Variants in IMPG1 observed in about 807,000 individuals in gnomAD.
The protein encoded by IMPG1 is interphotoreceptor matrix proteoglycan 1.
In IMPG1, 85 loss-of-function variants were observed where a neutral mutation model predicts 92.0. That is an observed-to-expected ratio of 0.92 (90% confidence interval 0.78 to 1.11). The LOEUF (loss-of-function observed/expected upper bound fraction) is 1.11. IMPG1 is among the 50% of genes least tolerant of loss of function. The pLI is 0.00. For synonymous variants in IMPG1, 367 were observed against 334.1 expected (o/e 1.10, Z -1.08); for missense variants, 1,022 against 956.0 (o/e 1.07, Z -0.91).
chr6:76,064,600 G>A (rs748106414), intron 1 of IMPG1, among the ~76,000 whole-genome samples: 4 of 152,038 alleles, frequency 2.6e-5, no homozygotes, highest in Non-Finnish European at 5.9e-5. Flanking sequence ...GCTTGTTTGT[G>A]CCTGCCATTG....
chr6:76,041,897 C>T lies in IMPG1; in HGVS notation c.297G>A (p.Leu99=). 6.3e-7 allele frequency: 1 copy of T among 1,593,178 alleles called. No individual in the cohort carries two copies. The highest frequency in any genetic ancestry group is 8.6e-7 in the Non-Finnish European group (1 of 1,161,102). Residue 99 remains leucine (L), a synonymous_variant, in exon 2 of 17, where the codon TTG becomes TTA. Transcript: ENST00000369950. Reference sequence around the variant, plus strand: ...CGGTTTCATCTCTTTCCTTACCTCTCAATCTATAATAAGCTTGAAGACTGT... The same window carrying T: ...CGGTTTCATCTCTTTCCTTACCTCTTAATCTATAATAAGCTTGAAGACTGT... ...ILDSLQAYYR[L]RVCQEAVWEA... is the part of the protein sequence containing the mutation.
intron 12 of IMPG1, among the ~76,000 whole-genome samples, chr6:75,974,297 T>C (rs1441996859): frequency 7.0e-6 from 1 of 142,824 alleles, no homozygotes; most frequent in African/African-American, 2.9e-5. Flanking sequence ...TTCTTTCTCT[T>C]TCTTTTCTTT....
chr6:75,960,431 A>G (rs990704625), intron 12 of IMPG1, among the ~76,000 whole-genome samples: 4 of 152,238 alleles, frequency 2.6e-5, no homozygotes, highest in Non-Finnish European at 4.4e-5. Context: ...CTATTTAATT[A>G]TAGGGTTGCT....
intron 12 of IMPG1, among the ~76,000 whole-genome samples, chr6:75,998,585 G>T (rs1020456100): frequency 3.3e-5 from 5 of 152,198 alleles, no homozygotes; most frequent in African/African-American, 4.8e-5. Flanking sequence ...TTTATTAAGA[G>T]ACCTGGTTTC....
chr6:76,014,023 G>A (rs6915062), intron 7 of IMPG1, among the ~76,000 whole-genome samples: 54,274 of 152,018 alleles, frequency 0.36, 9,946 homozygotes, highest in East Asian at 0.49. Context: ...TGGGTGATCC[G>A]GAGCTCTTTG....
intron 12 of IMPG1, 114 bp downstream of exon 12, chr6:76,002,804 A>C: frequency 9.0e-6 from 7 of 774,196 alleles, no homozygotes; most frequent in Non-Finnish European, 1.6e-5. Flanking sequence ...GGTGGCAGTG[A>C]ACCTTTTCCT....
intron 4 of IMPG1, among the ~76,000 whole-genome samples, chr6:76,033,415 G>T (rs1783684840): frequency 6.6e-6 from 1 of 152,180 alleles, no homozygotes; most frequent in African/African-American, 2.4e-5. Flanking sequence ...AATGGCAAGA[G>T]GAAGATGTAG....
chr6:76,055,231 T>C (rs539627646), intron 1 of IMPG1, among the ~76,000 whole-genome samples: 2 of 152,172 alleles, frequency 1.3e-5, no homozygotes, highest in South Asian at 2.1e-4. Flanking sequence ...CTCAGACTAA[T>C]AGAGAAGTAA....
intron 10 of IMPG1, among the ~76,000 whole-genome samples, chr6:76,004,519 G>C (rs1221405414): frequency 6.6e-6 from 1 of 152,080 alleles, no homozygotes; most frequent in African/African-American, 2.4e-5. Context: ...CCTATCTTAG[G>C]CAGAAAACAG....
At chr6:75,959,453 T>C (rs1782179363) in intron 12 of IMPG1, among the ~76,000 whole-genome samples, 1 of 152,186 alleles carries the variant, frequency 6.6e-6, no homozygotes, top group South Asian at 2.1e-4. Flanking sequence ...TTAAGTCTGC[T>C]GAAGCTGCAT....
intron 4 of IMPG1, among the ~76,000 whole-genome samples, chr6:76,028,972 C>T (rs4708207): frequency 0.047 from 7,164 of 152,284 alleles, 259 homozygotes; most frequent in Admixed American, 0.086. Context: ...CAATAAGAAT[C>T]CATTTTTCTT....
chr6:76,031,837 G>A (rs755465001), intron 4 of IMPG1, among the ~76,000 whole-genome samples: 7 of 152,168 alleles, frequency 4.6e-5, no homozygotes, highest in Non-Finnish European at 1.0e-4. Flanking sequence ...AGTCCATTTT[G>A]TGCAGGACTC....
chr6:75,940,032 CCT>C (rs1781811762), intron 14 of IMPG1, among the ~76,000 whole-genome samples: 1 of 152,188 alleles, frequency 6.6e-6, no homozygotes, highest in African/African-American at 2.4e-5. Context: ...AAAGAAGCTC[CCT>C]CTTCTGCTCT....
intron 12 of IMPG1, among the ~76,000 whole-genome samples, chr6:75,954,798 T>G (rs926654404): frequency 5.3e-5 from 8 of 152,148 alleles, no homozygotes; most frequent in Non-Finnish European, 1.2e-4. Flanking sequence ...GTATAAGGTA[T>G]AAAAAGGGGT....
At chr6:76,004,843 C>G (rs1462523125) in intron 10 of IMPG1, among the ~76,000 whole-genome samples, 1 of 152,202 alleles carries the variant, frequency 6.6e-6, no homozygotes, top group Non-Finnish European at 1.5e-5. Context: ...GGGAACTCTC[C>G]TAATCCTTTG....
At chr6:75,962,895 G>A (rs1193605923) in intron 12 of IMPG1, among the ~76,000 whole-genome samples, 79 of 152,088 alleles carry the variant, frequency 5.2e-4, no homozygotes, top group Admixed American at 5.2e-3. Flanking sequence ...ACAAAAATTA[G>A]CCAGGTGTGG....
At chr6:75,985,120 T>C (rs2149471037) in intron 12 of IMPG1, among the ~76,000 whole-genome samples, 1 of 152,368 alleles carries the variant, frequency 6.6e-6, no homozygotes, top group East Asian at 1.9e-4. Flanking sequence ...CAAATAAAGA[T>C]AAATTTCTTT....
chr6:76,020,387 C>A (rs541368140), intron 6 of IMPG1, among the ~76,000 whole-genome samples: 1 of 152,188 alleles, frequency 6.6e-6, no homozygotes, highest in Non-Finnish European at 1.5e-5. Flanking sequence ...TTCATGCCAG[C>A]AGTTCAACCA....
chr6:76,050,526 C>T (rs1362732316), intron 1 of IMPG1, among the ~76,000 whole-genome samples: 1 of 152,158 alleles, frequency 6.6e-6, no homozygotes, highest in Non-Finnish European at 1.5e-5. Flanking sequence ...CATTTTCACT[C>T]TAGGTTGAAG....
Sources: allele counts gnomAD v4.1 joint callset (sites outside exome capture counted in the v4.1 genomes callset), GRCh38; gene constraint gnomAD v4.1.1; transcripts MANE v1.5; gene names NCBI Gene and HGNC (gene_info 2026-07-23, HGNC 2026-07-21).